RHEX: variants seen among roughly 807,000 people sequenced by gnomAD.
The protein encoded by RHEX is regulator of hemoglobinization and erythroid cell expansion.
Under a neutral mutation model 20.1 loss-of-function variants are expected in RHEX, and 18 were observed. That is an observed-to-expected ratio of 0.90 (90% confidence interval 0.62 to 1.33). RHEX has a LOEUF of 1.33. RHEX is among the 40% of genes most tolerant of loss of function. The probability of loss-of-function intolerance (pLI) is 0.00; values close to 1 mark genes in which losing one functional copy is unlikely to be tolerated. For missense variants in RHEX, 192 were observed against 214.3 expected (o/e 0.90, Z 0.65); for synonymous variants, 87 against 77.1 (o/e 1.13, Z -0.67).
At chr1:206,100,455 T>C (rs1663165877) in intron 4 of RHEX, among the ~76,000 whole-genome samples, 1 of 152,252 alleles carries the variant, frequency 6.6e-6, no homozygotes, top group Non-Finnish European at 1.5e-5. Flanking sequence ...TGCTCTGTCC[T>C]GATTTTATCT....
Position 206,053,173 on chromosome 1 carries a change from A to C in RHEX, c.-189A>C, listed in dbSNP as rs1339884940. On this transcript the variant is annotated 5_prime_UTR_variant, in exon 1 of 6. Coordinates refer to ENST00000331555, the MANE Select transcript of RHEX (RefSeq NM_001007544.4). The stretch of plus-strand genomic sequence containing the variant: ...AATTGCCCCGGTGGAATGCCTCACC[A>C]GAGCAGCGTGTAGCAGTTCCCTGTG... 2.0e-5 allele frequency: 3 copies of C among 152,962 alleles called. No homozygotes were observed. The highest frequency in any genetic ancestry group is 2.9e-5 in the Non-Finnish European group (2 of 68,624). 9.5% of individuals were successfully genotyped at this position (152,962 alleles called of 1,614,324 possible). A position where few individuals can be genotyped will look rare whatever the true frequency, so the allele number is the denominator to read the frequency against.
intron 1 of RHEX, among the ~76,000 whole-genome samples, chr1:206,063,771 G>A (rs1247185463): frequency 6.6e-6 from 1 of 152,162 alleles, no homozygotes; most frequent in Non-Finnish European, 1.5e-5. Context: ...GCCTGCCTTG[G>A]CCTCCCAAAG....
At chr1:206,059,123 T>G (rs1662257220) in intron 1 of RHEX, among the ~76,000 whole-genome samples, 1 of 152,110 alleles carries the variant, frequency 6.6e-6, no homozygotes, top group Non-Finnish European at 1.5e-5. Flanking sequence ...TGCTCAGGGT[T>G]TAGGTGTGTC....
intron 1 of RHEX, among the ~76,000 whole-genome samples, chr1:206,064,645 G>A (rs1357882050): frequency 9.1e-5 from 12 of 131,508 alleles, no homozygotes; most frequent in Admixed American, 3.0e-4. Flanking sequence ...CCCGTCCCGG[G>A]GGGAGGTGGG....
chr1:206,054,212 T>C (rs1032248524), intron 1 of RHEX, among the ~76,000 whole-genome samples: 4 of 151,404 alleles, frequency 2.6e-5, no homozygotes, highest in Non-Finnish European at 5.9e-5. Flanking sequence ...AACTAACTGG[T>C]GTTTAAAGAA....
At chr1:206,081,550 A>T (rs1466962952) in intron 1 of RHEX, among the ~76,000 whole-genome samples, 1 of 152,234 alleles carries the variant, frequency 6.6e-6, no homozygotes, top group East Asian at 1.9e-4. Context: ...CATCTTATAA[A>T]GATAGAAGCA....
At chr1:206,079,052 A>AC (rs200957154) in intron 1 of RHEX, among the ~76,000 whole-genome samples, 1 of 152,100 alleles carries the variant, frequency 6.6e-6, no homozygotes, top group Admixed American at 6.6e-5. Flanking sequence ...GAGCAAGTTA[A>AC]CCCCCCCAGT....
chr1:206,068,253 TA>T (rs1279839841), intron 1 of RHEX, among the ~76,000 whole-genome samples: 1 of 151,908 alleles, frequency 6.6e-6, no homozygotes, highest in Non-Finnish European at 1.5e-5. Flanking sequence ...CAAGACCAAA[TA>T]AGGAGAGGAA....
rs1252811403 is a variant in RHEX, at chr1:206,067,592, G to A, written c.-97+14327G>A. On this transcript the variant is annotated intron_variant, in intron 1 of 5. Transcript: ENST00000331555. The surrounding 1 kb of genome is among the most constrained non-coding windows in gnomAD (Gnocchi z 4.6). ...ACAACTTGGAGGGGGCCCCAGGTGG[G>A]GAGAGCAATTTTTCTGCCAGACAGC... 2.0e-5 allele frequency among the ~76,000 whole-genome samples: 3 copies of A among 152,128 alleles called. No individual in the cohort carries two copies. Among genetic ancestry groups the A allele is most frequent in the African/African-American group, 7.2e-5 (3 of 41,400 alleles).
intron 1 of RHEX, among the ~76,000 whole-genome samples, chr1:206,064,174 A>G (rs1662366465): frequency 7.2e-6 from 1 of 139,772 alleles, no homozygotes; most frequent in Non-Finnish European, 1.5e-5. Context: ...CCGTCTGAGA[A>G]GTTAGGAGCC....
intron 1 of RHEX, among the ~76,000 whole-genome samples, chr1:206,056,624 A>C (rs1662199894): frequency 1.3e-5 from 2 of 152,244 alleles, no homozygotes; most frequent in Admixed American, 1.3e-4. Context: ...GCCTCCCATG[A>C]TCACAGTTTT....
At position 206,098,179 on chromosome 1, in the gene RHEX, TG is replaced by T. The variant is rs1663115637; in HGVS notation, c.112+1del. 1 of 1,607,630 alleles carries T rather than the reference TG, an allele frequency of 6.2e-7. No individual in the cohort carries two copies. The stretch of plus-strand genomic sequence containing the variant: ...ATCAACTACCTGCTCAGCAGGCACA[TG>T]GGTAACTGGCTCAGCATCCTCTTCC... ...TAINYLLSRH[M>X]AHKSEQILKA... On this transcript the variant is annotated frameshift_variant and splice_region_variant, in exon 3 of 6. Transcript: ENST00000331555. LOFTEE classifies it high-confidence loss of function.
intron 1 of RHEX, among the ~76,000 whole-genome samples, chr1:206,072,094 A>G (rs186815823): frequency 6.6e-6 from 1 of 152,258 alleles, no homozygotes; most frequent in East Asian, 1.9e-4. Context: ...TAAGTCTTTC[A>G]TGCCGCCCCT....
chr1:206,064,456 C>T (rs563788602), intron 1 of RHEX, among the ~76,000 whole-genome samples: 5 of 54,110 alleles, frequency 9.2e-5, no homozygotes, highest in Admixed American at 3.1e-4. Context: ...CAGCCCCCCG[C>T]CCGACCAGCC....
rs907104609 is a variant in RHEX at position 206,086,211 on chromosome 1, T to C, written c.-96-11522T>C. ...GTTGCTCCCACCTGAAAATCATGAG[T>C]GGGCCCAGTGTTCTTACAAGGCCTT... On this transcript the variant is annotated intron_variant, in intron 1 of 5. Coordinates refer to ENST00000331555, the MANE Select transcript of RHEX (RefSeq NM_001007544.4). Among the ~76,000 whole-genome samples the C allele has an allele frequency of 9.9e-5, 15 of 152,252 alleles. No individual in the cohort carries two copies. In the East Asian group the frequency reaches 2.9e-3, roughly 29 times the overall value.
At chr1:206,089,933 G>A (rs898646678) in intron 1 of RHEX, among the ~76,000 whole-genome samples, 77 of 151,702 alleles carry the variant, frequency 5.1e-4, no homozygotes, top group African/African-American at 1.6e-3. Flanking sequence ...TTAATGGCTC[G>A]ATTTTAAAAT....
intron 1 of RHEX, among the ~76,000 whole-genome samples, chr1:206,081,073 G>A (rs977094669): frequency 3.3e-5 from 5 of 152,206 alleles, no homozygotes; most frequent in Admixed American, 3.3e-4. Context: ...ACTCCTGGGC[G>A]CAAGCTATCT....
At chr1:206,079,493 T>C (rs1220002397) in intron 1 of RHEX, among the ~76,000 whole-genome samples, 1 of 152,200 alleles carries the variant, frequency 6.6e-6, no homozygotes, top group Non-Finnish European at 1.5e-5. Flanking sequence ...AGTAAAACCC[T>C]GGGAATGACT....
At chr1:206,101,726 C>T in intron 5 of RHEX, 26 bp from the exon 6 acceptor site, 1 of 1,578,686 alleles carries the variant, frequency 6.3e-7, no homozygotes, top group Non-Finnish European at 8.7e-7. Context: ...GGATCTTGAC[C>T]CACATGTCTC....
Sources: gnomAD v4.1 joint callset for allele counts (sites outside exome capture counted in the v4.1 genomes callset) on GRCh38, gnomAD v4.1.1 for gene constraint, Gnocchi (gnomAD v3.1) non-coding constraint, MANE v1.5 for transcripts, NCBI Gene and HGNC (gene_info 2026-07-23, HGNC 2026-07-21) for gene names.